Variants in PLCD4 observed in about 807,000 individuals in gnomAD.
PLCD4 encodes phospholipase C delta 4.
Under a neutral mutation model 90.2 loss-of-function variants are expected in PLCD4, and 63 were observed. That is an observed-to-expected ratio of 0.70 (90% confidence interval 0.57 to 0.86). The LOEUF is 0.86. Among genes scored for constraint, PLCD4 ranks in the 40% least tolerant of loss-of-function variants. The pLI, the probability that PLCD4 is intolerant of heterozygous loss-of-function variation, is 0.00. For synonymous variants in PLCD4, 294 were observed against 356.5 expected (o/e 0.82, Z 1.97); for missense variants, 830 against 956.3 (o/e 0.87, Z 1.74).
chr2:218,634,371 C>G lies in PLCD4; in HGVS notation c.1724-87C>G, dbSNP rs1696586568. The G allele has an allele frequency of 1.9e-6, 3 of 1,559,808 alleles. No homozygotes were observed. Among genetic ancestry groups the G allele is most frequent in the Non-Finnish European group, 2.6e-6 (3 of 1,144,948 alleles). ...GATATTACCAGCAGGTACCGTGCAC[C>G]CAGTACCTATCTTCTTAACTCCCTG... is the stretch of plus-strand genomic sequence containing the variant. On this transcript the variant is annotated intron_variant, in intron 12 of 15. Coordinates refer to ENST00000450993, the MANE Select transcript of PLCD4 (RefSeq NM_032726.4). The surrounding 1 kb of genome is among the most constrained non-coding windows in gnomAD (Gnocchi z 4.0).
In PLCD4 at chr2:218,628,158, T is replaced by C. The variant is rs759075590; in HGVS notation, c.902T>C (p.Ile301Thr). ...DMTQPLNHYF[I>T]CSSHNTYLVG... ...ACTCAACCCCTGAACCACTACTTCA[T>C]CTGCTCTTCTCATAACACCTACCTA... The change falls in exon 7 of 16, where the codon ATC becomes ACC. Residue 301 changes from isoleucine (I) to threonine (T), a missense_variant. Ile to Thr is a moderately conservative substitution (Grantham distance 89, BLOSUM62 -1). Transcript: ENST00000450993. The C allele has an allele frequency of 6.2e-7, 1 of 1,614,060 alleles. No homozygotes were observed. The highest frequency in any genetic ancestry group is 1.1e-5 in the South Asian group (1 of 91,082).
At chr2:218,629,416 T>G in intron 7 of PLCD4, 103 bp from the exon 8 acceptor site, 1 of 1,341,592 alleles carries the variant, frequency 7.5e-7, no homozygotes. Flanking sequence ...TCTGGATGGG[T>G]AAGTGCTGGT....
intron 6 of PLCD4, among the ~76,000 whole-genome samples, chr2:218,624,427 A>G (rs1461198334): frequency 1.3e-5 from 2 of 152,204 alleles, no homozygotes; most frequent in Non-Finnish European, 2.9e-5. Flanking sequence ...TGTTCAGAAT[A>G]GAGTAGAGGT....
Position 218,622,636 on chromosome 2 carries a change from C to T in PLCD4, c.541-11C>T. On this transcript the variant is annotated splice_polypyrimidine_tract_variant and intron_variant, in intron 5 of 15. Coordinates refer to ENST00000450993, the MANE Select transcript of PLCD4 (RefSeq NM_032726.4). ...AAGTTTCATTCACTCTCCCCTAAAC[C>T]TCTCTTGCAGGCAGCAGACACGTCC... 6.2e-7 allele frequency: 1 copy of T among 1,602,442 alleles called. No individual in the cohort carries two copies. The highest frequency in any genetic ancestry group is 8.5e-7 in the Non-Finnish European group (1 of 1,171,022).
chr2:218,630,133 G>A (rs527357071), intron 8 of PLCD4, among the ~76,000 whole-genome samples: 210 of 152,258 alleles, frequency 1.4e-3, no homozygotes, highest in Non-Finnish European at 2.4e-3. Context: ...AGCCGAGATC[G>A]CACCAGTGCA....
Position 218,632,130 on chromosome 2 carries a change from C to T in PLCD4, c.1273-6C>T. 6.3e-7 allele frequency: 1 copy of T among 1,598,660 alleles called. No homozygotes were observed. Among genetic ancestry groups the T allele is most frequent in the Non-Finnish European group, 8.5e-7 (1 of 1,173,124 alleles). On this transcript the variant is annotated splice_polypyrimidine_tract_variant and splice_region_variant and intron_variant, in intron 9 of 15. Coordinates refer to ENST00000450993, the MANE Select transcript of PLCD4 (RefSeq NM_032726.4). The stretch of plus-strand genomic sequence containing the variant: ...GTAGACAGGCCCCTTCATTTTTGTC[C>T]CCTAGGAGCTTCGGAGGAAGATCCT...
chr2:218,626,352 T>C (rs1696120443), intron 6 of PLCD4, among the ~76,000 whole-genome samples: 1 of 152,052 alleles, frequency 6.6e-6, no homozygotes, highest in Non-Finnish European at 1.5e-5. Context: ...AAGCTGGCCA[T>C]GAGAGTCATG....
At position 218,635,871 on chromosome 2, in the gene PLCD4, C is replaced by A. The variant is rs780153804; in HGVS notation, c.1972C>A (p.Gln658Lys). The change falls in exon 14 of 16, where the codon CAG becomes AAG. Residue 658 changes from glutamine to lysine, a missense_variant. Physicochemically the swap from Gln to Lys is moderately conservative, Grantham distance 53 (BLOSUM62 1). Coordinates refer to ENST00000450993, the MANE Select transcript of PLCD4 (RefSeq NM_032726.4). The stretch of plus-strand genomic sequence containing the variant: ...CATTGTGGATCCACTGGTGAAAGTG[C>A]AGATCTTTGGCGTTCGTCTAGACAC... ...GSIVDPLVKV[Q>K]IFGVRLDTAR... 1.2e-6 allele frequency: 2 copies of A among 1,613,880 alleles called. No individual in the cohort carries two copies. The highest frequency in any genetic ancestry group is 1.7e-6 in the Non-Finnish European group (2 of 1,179,872).
At chr2:218,610,071 C>T (rs900794218) in intron 1 of PLCD4, 1 of 152,108 alleles carries the variant, frequency 6.6e-6, no homozygotes, top group African/African-American at 2.4e-5. Context: ...TGCTTGAGGC[C>T]AGGAGTTTAA....
At chr2:218,616,899 TA>T (rs1284994973) in intron 3 of PLCD4, among the ~76,000 whole-genome samples, 2 of 1,972 alleles carry the variant, frequency 1.0e-3, no homozygotes, top group African/African-American at 1.6e-3. Context: ...GCCATTATTT[TA>T]TATATATATA....
rs951284964 is a variant in PLCD4, at chr2:218,621,740, C to T, written c.540+141C>T. The T allele has an allele frequency of 9.0e-6, 10 of 1,114,906 alleles. No homozygotes were observed. The African/African-American group carries it at 1.1e-4, about 12-fold the overall frequency. 69.1% of individuals were successfully genotyped at this position (1,114,906 alleles called of 1,614,324 possible). On this transcript the variant is annotated intron_variant, in intron 5 of 15. Transcript: ENST00000450993. ...AGTGCTAGGCTCAATGCCCTAGGCTCAATGGGAAGTATAGGGGATGATTCT... is the reference window on the plus strand; with the variant it reads ...AGTGCTAGGCTCAATGCCCTAGGCTTAATGGGAAGTATAGGGGATGATTCT...
chr2:218,612,664 C>T (rs936141856), intron 1 of PLCD4, among the ~76,000 whole-genome samples: 2 of 152,066 alleles, frequency 1.3e-5, no homozygotes, highest in African/African-American at 4.8e-5. Context: ...CCCAGCTACT[C>T]AGGAGGCTGA....
rs766609539 is a variant in PLCD4, at chr2:218,634,470, T to C, written c.1736T>C (p.Met579Thr). 6.2e-7 allele frequency: 1 copy of C among 1,612,968 alleles called. No individual in the cohort carries two copies. Among genetic ancestry groups the C allele is most frequent in the Non-Finnish European group, 8.5e-7 (1 of 1,179,510 alleles). Reference sequence around the variant, plus strand: ...CTGGGGCCCTCAGTGGCCATGAATATGCAGACTGCAGGGCTTGAAATGGAC... The same window carrying C: ...CTGGGGCCCTCAGTGGCCATGAATACGCAGACTGCAGGGCTTGAAATGGAC... ...NAGCQMVAMN[M>T]QTAGLEMDIC... The change falls in exon 13 of 16, where the codon ATG becomes ACG. Residue 579 changes from methionine to threonine, a missense_variant. By Grantham distance (81) the Met-to-Thr change is moderately conservative (BLOSUM62 -1). Coordinates refer to ENST00000450993, the MANE Select transcript of PLCD4 (RefSeq NM_032726.4). This position sits in a 1 kb window ranked among gnomAD's most constrained non-coding sequence, Gnocchi z 4.0.
chr2:218,635,570 T>C (rs1175896360), intron 13 of PLCD4, among the ~76,000 whole-genome samples: 1 of 152,182 alleles, frequency 6.6e-6, no homozygotes, highest in Non-Finnish European at 1.5e-5. Context: ...TGGTTTCAAG[T>C]GATCTGCCCA....
In PLCD4 at chr2:218,632,168, G is replaced by T; in HGVS notation, c.1305G>T (p.Lys435Asn). The change falls in exon 10 of 16, where the codon AAG becomes AAT. Residue 435 changes from lysine to asparagine, a missense_variant. Physicochemically the swap from Lys to Asn is moderately conservative, Grantham distance 94 (BLOSUM62 0). Transcript: ENST00000450993. ...GGAGGAAGATCCTGGTGAAGGGGAA[G>T]AAGTTAACACTTGAGGAAGACCTGG... Reference protein sequence around the residue: ...ELRRKILVKGKKLTLEEDLEY... With the variant: ...ELRRKILVKGNKLTLEEDLEY... The T allele has an allele frequency of 6.2e-7, 1 of 1,610,402 alleles. No individual in the cohort carries two copies. The highest frequency in any genetic ancestry group is 8.5e-7 in the Non-Finnish European group (1 of 1,178,598).
chr2:218,621,603 A>G lies in PLCD4; in HGVS notation c.540+4A>G. ...ATATGCCTTCAGTCTTTTTCAGGTG[A>G]GTCTGTGGGGAAGGATTTCCAGCGG... is the stretch of plus-strand genomic sequence containing the variant. On this transcript the variant is annotated splice_donor_region_variant and intron_variant, in intron 5 of 15. Transcript: ENST00000450993. 6.2e-7 allele frequency: 1 copy of G among 1,613,608 alleles called. No individual in the cohort carries two copies. The highest frequency in any genetic ancestry group is 8.5e-7 in the Non-Finnish European group (1 of 1,179,678).
Position 218,632,321 on chromosome 2 carries a change from G to A in PLCD4, c.1449+9G>A. 2 of 1,599,268 alleles carry A rather than the reference G, an allele frequency of 1.3e-6. No individual in the cohort carries two copies. Among genetic ancestry groups the A allele is most frequent in the East Asian group, 2.3e-5 (1 of 44,428 alleles). On this transcript the variant is annotated intron_variant, in intron 10 of 15. Coordinates refer to ENST00000450993, the MANE Select transcript of PLCD4 (RefSeq NM_032726.4). ...ATAAGGACAAAAAGAAGGTAAGCCA[G>A]GAGTGGTCTTTCTGCTGTGGTATTT...
chr2:218,627,973 G>A (rs1696188325), intron 6 of PLCD4, 56 bp from the exon 7 acceptor site: 2 of 1,477,518 alleles, frequency 1.4e-6, no homozygotes, highest in Non-Finnish European at 1.9e-6. Flanking sequence ...CTGTAGGTGT[G>A]CTGGGATGCT....
At chr2:218,633,296 G>C (rs1696493401) in intron 10 of PLCD4, 1 of 675,290 alleles carries the variant, frequency 1.5e-6, no homozygotes, top group Non-Finnish European at 2.7e-6. Flanking sequence ...CTGTCACCCA[G>C]GATATAACAT....
Sources: gnomAD v4.1 joint callset for allele counts (sites outside exome capture counted in the v4.1 genomes callset) on GRCh38, gnomAD v4.1.1 for gene constraint, Gnocchi (gnomAD v3.1) non-coding constraint, MANE v1.5 for transcripts, NCBI Gene and HGNC (gene_info 2026-07-23, HGNC 2026-07-21) for gene names.